The following FAM120B variants were observed in gnomAD, a reference collection of about 807,000 sequenced individuals.
The protein encoded by FAM120B is family with sequence similarity 120 member B.
FAM120B carries 83 observed loss-of-function variants against 96.3 expected under a neutral mutation model. That is an observed-to-expected ratio of 0.86 (90% CI 0.72 to 1.03). The LOEUF (loss-of-function observed/expected upper bound fraction) is 1.03, where lower values mean the gene tolerates loss of function less well. Among genes scored for constraint, FAM120B ranks in the 50% least tolerant of loss-of-function variants. The pLI is 0.00. For missense variants in FAM120B, 1,027 were observed against 1,121.2 expected, an observed-to-expected ratio of 0.92 and a Z score of 1.20; for synonymous variants, 407 against 402.7, an observed-to-expected ratio of 1.01 and a Z score of -0.13.
rs900671019 is a variant in FAM120B at position 170,388,566 on chromosome 6, G to A, written c.2490+73G>A. On this transcript the variant is annotated intron_variant, in intron 7 of 10. Transcript: ENST00000476287. ...CAGGCTGCACAAAAAACATGAAGTCGGCTGTTGCATTTTTCAAATTAATGC... is the reference window on the plus strand; with the variant it reads ...CAGGCTGCACAAAAAACATGAAGTCAGCTGTTGCATTTTTCAAATTAATGC... 6.8e-5 allele frequency: 88 copies of A among 1,302,706 alleles called. No individual in the cohort carries two copies. In the South Asian group the frequency reaches 7.2e-4, roughly 11 times the overall value. The allele number at this position is 1,302,706 out of a possible 1,614,324, so 80.7% of individuals were successfully genotyped here.
chr6:170,317,818 T>C lies in FAM120B; in HGVS notation c.428T>C (p.Phe143Ser). 1 of 1,614,236 alleles carries C rather than the reference T, an allele frequency of 6.2e-7. No homozygotes were observed. Among genetic ancestry groups the C allele is most frequent in the Non-Finnish European group, 8.5e-7 (1 of 1,180,046 alleles). ...TCAGGGCTAGCTGTGTTTACACGATTTGCTCTAAAGACACTGGGCCAGGAA... is the reference window on the plus strand; with the variant it reads ...TCAGGGCTAGCTGTGTTTACACGATCTGCTCTAAAGACACTGGGCCAGGAA... ...IPSGLAVFTRFALKTLGQETL... is the reference protein window; with the variant it reads ...IPSGLAVFTRSALKTLGQETL... The change falls in exon 2 of 11, where the codon TTT (phenylalanine) becomes TCT (serine). Residue 143 changes from phenylalanine to serine, a missense_variant. By Grantham distance (155) the Phe-to-Ser change is radical (BLOSUM62 -2). Transcript: ENST00000476287.
chr6:170,400,554 C>G (rs1778513589), intron 9 of FAM120B, among the ~76,000 whole-genome samples: 1 of 152,172 alleles, frequency 6.6e-6, no homozygotes, highest in Non-Finnish European at 1.5e-5. Context: ...CCCTGGACCA[C>G]TGGGCTGCTC....
rs199966939 is a variant in FAM120B at position 170,332,455 on chromosome 6, T to C, written c.2017+1905T>C. Among the ~76,000 whole-genome samples, 27 of 152,296 alleles carry C rather than the reference T, an allele frequency of 1.8e-4. No homozygotes were observed. In the East Asian group the frequency reaches 5.0e-3, roughly 28 times the overall value. ...GCTCACGCCTGTAATCCCAGCACTT[T>C]GGGAGGCCGTGGCAGATGGGTCACC... On this transcript the variant is annotated intron_variant, in intron 4 of 10. Transcript: ENST00000476287.
intron 5 of FAM120B, among the ~76,000 whole-genome samples, chr6:170,349,291 A>G (rs756744520): frequency 5.9e-5 from 9 of 152,156 alleles, no homozygotes; most frequent in Non-Finnish European, 1.3e-4. Context: ...ACCTCCCTAT[A>G]TGGTGGGTCT....
intron 4 of FAM120B, among the ~76,000 whole-genome samples, chr6:170,346,300 A>G (rs1045242873): frequency 6.6e-6 from 1 of 152,128 alleles, no homozygotes; most frequent in Non-Finnish European, 1.5e-5. Context: ...CCATGTTCAT[A>G]AATGTCTTAT....
At chr6:170,336,790 A>G (rs1158153036) in intron 4 of FAM120B, among the ~76,000 whole-genome samples, 1 of 152,090 alleles carries the variant, frequency 6.6e-6, no homozygotes, top group African/African-American at 2.4e-5. Flanking sequence ...TTCTCTGTGT[A>G]GCAATTGTGA....
intron 6 of FAM120B, among the ~76,000 whole-genome samples, chr6:170,365,233 C>T (rs1036653668): frequency 6.6e-6 from 1 of 152,168 alleles, no homozygotes; most frequent in Non-Finnish European, 1.5e-5. Context: ...TTTCTGAGAC[C>T]AAAATGTCAT....
intron 5 of FAM120B, among the ~76,000 whole-genome samples, chr6:170,354,751 G>A (rs968924871): frequency 1.6e-4 from 24 of 145,802 alleles, no homozygotes; most frequent in Admixed American, 1.5e-3. Flanking sequence ...GTGAAACCCC[G>A]TCTCTACAAA....
chr6:170,293,384 TA>T (rs1783928465), upstream of FAM120B, among the ~76,000 whole-genome samples: 2 of 151,974 alleles, frequency 1.3e-5, no homozygotes, highest in Admixed American at 6.6e-5. Context: ...AAACTGGAAA[TA>T]AAAAGTTCCA....
At chr6:170,357,590 C>T (rs977056965) in intron 5 of FAM120B, among the ~76,000 whole-genome samples, 1 of 152,154 alleles carries the variant, frequency 6.6e-6, no homozygotes, top group Non-Finnish European at 1.5e-5. Context: ...TCTAGGTTGC[C>T]AAAAGTGGAT....
intron 10 of FAM120B, 39 bp downstream of exon 10, chr6:170,404,640 C>T (rs1778740397): frequency 1.4e-6 from 2 of 1,450,186 alleles, no homozygotes; most frequent in Non-Finnish European, 1.9e-6. Context: ...AAATCAGTCA[C>T]ATGTCTGTCT....
At chr6:170,296,479 C>T (rs1784012173) in intron 1 of FAM120B, among the ~76,000 whole-genome samples, 1 of 151,966 alleles carries the variant, frequency 6.6e-6, no homozygotes, top group Admixed American at 6.5e-5. Context: ...TCCCGGTGGA[C>T]CCCAGTCGCC....
At position 170,370,702 on chromosome 6, in the gene FAM120B, T is replaced by C. The variant is rs1399129852; in HGVS notation, c.2283+12384T>C. 6.6e-6 allele frequency among the ~76,000 whole-genome samples: 1 copy of C among 152,228 alleles called. No individual in the cohort carries two copies. The highest frequency in any genetic ancestry group is 6.5e-5 in the Admixed American group (1 of 15,288). On this transcript the variant is annotated intron_variant, in intron 6 of 10. Coordinates refer to ENST00000476287, the MANE Select transcript of FAM120B (RefSeq NM_032448.3). This position sits in a 1 kb window ranked among gnomAD's most constrained non-coding sequence, Gnocchi z 4.3. ...TTCAGATATTACCTCACCGCATTTC[T>C]TATAAAGATTCGCCTTCTAACACCT...
At chr6:170,322,138 A>G (rs954585553) in intron 2 of FAM120B, among the ~76,000 whole-genome samples, 7 of 152,362 alleles carry the variant, frequency 4.6e-5, no homozygotes, top group Admixed American at 3.3e-4. Flanking sequence ...TAAATCATGT[A>G]TCTCATCACC....
chr6:170,348,455 C>A, intron 5 of FAM120B, 132 bp downstream of exon 5: 1 of 730,372 alleles, frequency 1.4e-6, no homozygotes, highest in Non-Finnish European at 2.2e-6. Context: ...CATTATTAGT[C>A]CTTTGAAGTG....
chr6:170,372,318 A>C (rs762566589), intron 6 of FAM120B, among the ~76,000 whole-genome samples: 7 of 151,782 alleles, frequency 4.6e-5, no homozygotes, highest in Non-Finnish European at 8.8e-5. Flanking sequence ...AAGAGTGATT[A>C]AATCTATTAG....
At chr6:170,358,688 C>T (rs1403962636) in intron 6 of FAM120B, among the ~76,000 whole-genome samples, 9 of 152,218 alleles carry the variant, frequency 5.9e-5, no homozygotes, top group Non-Finnish European at 1.0e-4. Flanking sequence ...AGGGTGGGGC[C>T]GCCTGGCACC....
intron 1 of FAM120B, among the ~76,000 whole-genome samples, chr6:170,300,730 A>G (rs1784122603): frequency 6.6e-6 from 1 of 152,224 alleles, no homozygotes; most frequent in Admixed American, 6.5e-5. Flanking sequence ...AAACAAAGGG[A>G]CCACAGGCCC....
chr6:170,403,209 A>G (rs1242316279), intron 9 of FAM120B, among the ~76,000 whole-genome samples: 1 of 152,164 alleles, frequency 6.6e-6, no homozygotes, highest in Admixed American at 6.5e-5. Flanking sequence ...CAGAGATTCC[A>G]GTATAAAGTG....
Sources: gnomAD v4.1 joint callset for allele counts (sites outside exome capture counted in the v4.1 genomes callset) on GRCh38, gnomAD v4.1.1 for gene constraint, Gnocchi (gnomAD v3.1) non-coding constraint, MANE v1.5 for transcripts, NCBI Gene and HGNC (gene_info 2026-07-23, HGNC 2026-07-21) for gene names.